The following RBFOX1 variants were observed in gnomAD, a reference collection of about 807,000 sequenced individuals.
RBFOX1 encodes RNA binding protein fox-1 homolog 1.
A neutral mutation model predicts 57.7 loss-of-function variants in RBFOX1; 8 were observed. That is an observed-to-expected ratio of 0.14 (90% CI 0.08 to 0.25). The LOEUF is 0.25. RBFOX1 is among the 10% of genes least tolerant of loss of function. RBFOX1 has a pLI of 1.00. For synonymous variants in RBFOX1, 326 were observed against 222.4 expected (o/e 1.47, Z -4.15); for missense variants, 611 against 548.5 (o/e 1.11, Z -1.14).
At chr16:7,315,007 T>G (rs2096404241) in intron 4 of RBFOX1, among the ~76,000 whole-genome samples, 1 of 152,136 alleles carries the variant, frequency 6.6e-6, no homozygotes, top group Non-Finnish European at 1.5e-5. Flanking sequence ...ATTTTTTTCC[T>G]AATTGGAAGA....
At chr16:5,566,347 A>G (rs2046066499) in intron 2 of RBFOX1, among the ~76,000 whole-genome samples, 1 of 152,130 alleles carries the variant, frequency 6.6e-6, no homozygotes, top group Non-Finnish European at 1.5e-5. Context: ...ATGTATAATC[A>G]CACAAACATC....
At chr16:6,134,303 A>G (rs2096650581) in intron 1 of RBFOX1, among the ~76,000 whole-genome samples, 1 of 152,108 alleles carries the variant, frequency 6.6e-6, no homozygotes, top group Non-Finnish European at 1.5e-5. Context: ...AGTTTTACGT[A>G]TATTTTTACG....
At chr16:7,390,052 C>G (rs954853282) in intron 4 of RBFOX1, among the ~76,000 whole-genome samples, 14 of 152,218 alleles carry the variant, frequency 9.2e-5, no homozygotes, top group African/African-American at 3.1e-4. Flanking sequence ...GAAAACGAAG[C>G]AAGCACATCC....
chr16:6,185,232 C>G (rs1202518305), intron 1 of RBFOX1, among the ~76,000 whole-genome samples: 1 of 152,204 alleles, frequency 6.6e-6, no homozygotes, highest in Non-Finnish European at 1.5e-5. Flanking sequence ...TCCTCTCCAT[C>G]TGTCACTCTC....
At chr16:7,583,173 G>C (rs1193373485) in intron 6 of RBFOX1, among the ~76,000 whole-genome samples, 1 of 137,946 alleles carries the variant, frequency 7.2e-6, no homozygotes, top group Non-Finnish European at 1.5e-5. Flanking sequence ...TTTCTCATTT[G>C]AGATGGAACA....
At chr16:5,900,078 A>C (rs907615910) in intron 4 of RBFOX1, among the ~76,000 whole-genome samples, 5 of 152,218 alleles carry the variant, frequency 3.3e-5, no homozygotes, top group South Asian at 2.1e-4. Flanking sequence ...ACTCTGTCTC[A>C]AAAACCAAAC....
chr16:5,480,828 C>G (rs1436408610), intron 2 of RBFOX1, among the ~76,000 whole-genome samples: 2 of 152,188 alleles, frequency 1.3e-5, no homozygotes, highest in Non-Finnish European at 2.9e-5. Context: ...TGTACCATGA[C>G]TTGTTTGATT....
chr16:6,565,914 A>T (rs1474597924), intron 2 of RBFOX1, among the ~76,000 whole-genome samples: 1 of 152,188 alleles, frequency 6.6e-6, no homozygotes, highest in Non-Finnish European at 1.5e-5. Context: ...AAAAGAACCA[A>T]TGTGCTTTGT....
At chr16:5,475,098 G>A (rs544646953) in intron 2 of RBFOX1, among the ~76,000 whole-genome samples, 13 of 152,268 alleles carry the variant, frequency 8.5e-5, no homozygotes, top group African/African-American at 1.4e-4. Context: ...GATGGATTTC[G>A]TTTATTCAGC....
At chr16:6,768,150 T>C (rs762582881) in intron 3 of RBFOX1, among the ~76,000 whole-genome samples, 4 of 151,884 alleles carry the variant, frequency 2.6e-5, no homozygotes, top group Middle Eastern at 3.4e-3. Context: ...TGAGCAGAGA[T>C]TGTAACACTG....
chr16:5,972,810 C>T (rs560879587), intron 4 of RBFOX1, among the ~76,000 whole-genome samples: 2 of 152,348 alleles, frequency 1.3e-5, no homozygotes, highest in African/African-American at 4.8e-5. Context: ...GGGCACCATG[C>T]ACCCTTGGCT....
At chr16:6,852,999 A>G (rs781254897) in intron 3 of RBFOX1, among the ~76,000 whole-genome samples, 1 of 152,166 alleles carries the variant, frequency 6.6e-6, no homozygotes, top group Non-Finnish European at 1.5e-5. Flanking sequence ...TGGATGGACA[A>G]TCTCACTGGC....
chr16:6,922,848 T>C (rs935131108), intron 3 of RBFOX1, among the ~76,000 whole-genome samples: 2 of 152,190 alleles, frequency 1.3e-5, no homozygotes, highest in Non-Finnish European at 2.9e-5. Context: ...GAGCACATCA[T>C]AGTGAGCATT....
At chr16:5,402,591 C>T (rs1051476565) in intron 1 of RBFOX1, among the ~76,000 whole-genome samples, 1 of 152,200 alleles carries the variant, frequency 6.6e-6, no homozygotes, top group Non-Finnish European at 1.5e-5. Context: ...AGTTGATTCC[C>T]TTGGGAATTC....
Position 6,984,856 on chromosome 16 carries a change from G to T in RBFOX1, c.-15-67201G>T, listed in dbSNP as rs539047284. Among the ~76,000 whole-genome samples, 17 of 152,108 alleles carry T rather than the reference G, an allele frequency of 1.1e-4. No individual in the cohort carries two copies. In the South Asian group the frequency reaches 3.3e-3, roughly 30 times the overall value. On this transcript the variant is annotated intron_variant, in intron 3 of 15. Transcript: ENST00000550418. ...GGGTTTCACCATATTGGTCAGGCTG[G>T]TCTTGAACTCCTGACCTCAGCTGAT... is the stretch of plus-strand genomic sequence containing the variant.
intron 7 of RBFOX1, among the ~76,000 whole-genome samples, chr16:7,593,720 A>G (rs1483234489): frequency 6.6e-6 from 1 of 151,728 alleles, no homozygotes; most frequent in African/African-American, 2.4e-5. Context: ...GCCTGTATAT[A>G]TAGAGGGCTG....
At chr16:7,051,591 C>A (rs998429362) in intron 3 of RBFOX1, among the ~76,000 whole-genome samples, 1 of 152,204 alleles carries the variant, frequency 6.6e-6, no homozygotes, top group Non-Finnish European at 1.5e-5. Flanking sequence ...AAAATGTAAC[C>A]CAGTTGCCAA....
intron 3 of RBFOX1, among the ~76,000 whole-genome samples, chr16:6,837,187 G>A (rs12598387): frequency 6.6e-6 from 1 of 152,214 alleles, no homozygotes; most frequent in Non-Finnish European, 1.5e-5. Context: ...ACTAAAATCA[G>A]GTTAGGTTGT....
chr16:6,968,144 C>G (rs2084706473), intron 3 of RBFOX1, among the ~76,000 whole-genome samples: 1 of 152,132 alleles, frequency 6.6e-6, no homozygotes, highest in African/African-American at 2.4e-5. Context: ...CACCGCTAGA[C>G]TCGGCCTCAG....
Sources: allele counts gnomAD v4.1 joint callset (sites outside exome capture counted in the v4.1 genomes callset), GRCh38; gene constraint gnomAD v4.1.1; transcripts MANE v1.5; gene names NCBI Gene and HGNC (gene_info 2026-07-23, HGNC 2026-07-21).